Variants in DYSF observed in about 807,000 individuals in gnomAD.
The protein encoded by DYSF is dysferlin.
A neutral mutation model predicts 274.9 loss-of-function variants in DYSF; 212 were observed. The ratio of observed to expected loss-of-function variants is 0.77; its 90% CI spans 0.69 to 0.86. The LOEUF (loss-of-function observed/expected upper bound fraction) is 0.86, where lower values mean the gene tolerates loss of function less well. DYSF is among the 40% of genes least tolerant of loss of function. DYSF has a pLI of 0.00. For synonymous variants in DYSF, 1,091 were observed against 1,078.7 expected (o/e 1.01, Z -0.22); for missense variants, 2,666 against 2,783.2 (o/e 0.96, Z 0.95).
At chr2:71,504,017 T>G (rs2085238024) in intron 4 of DYSF, among the ~76,000 whole-genome samples, 1 of 152,206 alleles carries the variant, frequency 6.6e-6, no homozygotes, top group South Asian at 2.1e-4. Flanking sequence ...CCTGGGGGAT[T>G]CAGGCCCTGA....
At chr2:71,618,277 G>GTT (rs2093969528) in intron 40 of DYSF, among the ~76,000 whole-genome samples, 1 of 101,760 alleles carries the variant, frequency 9.8e-6, no homozygotes, top group Non-Finnish European at 2.0e-5. Context: ...GTGTGTGTGT[G>GTT]TGGTAGAGGT....
At position 71,511,838 on chromosome 2, in the gene DYSF, C is replaced by T. The variant is rs372573603; in HGVS notation, c.377C>T (p.Pro126Leu). Residue 126 changes from proline to leucine, a missense_variant, in exon 5 of 56, where the codon CCG becomes CTG. Pro to Leu is a moderately conservative substitution (Grantham distance 98, BLOSUM62 -3). Coordinates refer to ENST00000410020, the MANE Select transcript of DYSF (RefSeq NM_001130987.2). ...CTGGTCCTGCAGGTGTCCTACACAC[C>T]GCTGCCTGGAGCTGTGCCCCTGTTC... ...ASLVLQVSYTPLPGAVPLFPP... is the reference protein window; with the variant it reads ...ASLVLQVSYTLLPGAVPLFPP... 60 of 1,551,496 alleles carry T rather than the reference C, an allele frequency of 3.9e-5. No homozygotes were observed. Among genetic ancestry groups the T allele is most frequent in the South Asian group, 8.3e-5 (7 of 84,066 alleles).
At chr2:71,534,876 C>T in intron 14 of DYSF, 145 bp from the exon 15 acceptor site, 1 of 771,594 alleles carries the variant, frequency 1.3e-6, no homozygotes, top group Admixed American at 2.0e-5. Context: ...GAACCCCCTG[C>T]ACTAGGCCCC....
chr2:71,668,801 G>T lies in DYSF; in HGVS notation c.5505G>T (p.Arg1835=), dbSNP rs763758260. 1 of 1,613,906 alleles carries T rather than the reference G, an allele frequency of 6.2e-7. No individual in the cohort carries two copies. Among genetic ancestry groups the T allele is most frequent in the South Asian group, 1.1e-5 (1 of 91,004 alleles). The part of the protein sequence containing the change: ...WVDLFPKALG[R]PGPPFNITPR... ...ACCTATTTCCGAAGGCCCTGGGGCG[G>T]CCTGGACCTCCCTTCAACATCACCC... Residue 1835 remains arginine (R), a synonymous_variant, in exon 49 of 56, where the codon CGG becomes CGT. Coordinates refer to ENST00000410020, the MANE Select transcript of DYSF (RefSeq NM_001130987.2).
At chr2:71,635,511 G>A (rs2094385400) in intron 41 of DYSF, among the ~76,000 whole-genome samples, 1 of 152,192 alleles carries the variant, frequency 6.6e-6, no homozygotes, top group South Asian at 2.1e-4. Context: ...ACTTTGGGAG[G>A]CAGAGGCGGG....
chr2:71,557,989 G>A (rs2091453311), intron 22 of DYSF, among the ~76,000 whole-genome samples: 2 of 151,346 alleles, frequency 1.3e-5, no homozygotes, highest in Non-Finnish European at 1.5e-5. Flanking sequence ...CTGAGATTGT[G>A]CCCCTACACT....
chr2:71,464,088 C>T (rs958451661), upstream of DYSF, among the ~76,000 whole-genome samples: 9 of 152,200 alleles, frequency 5.9e-5, no homozygotes, highest in South Asian at 2.1e-4. Context: ...TGTCCTTTAC[C>T]GACCTTCCAC....
intron 12 of DYSF, among the ~76,000 whole-genome samples, chr2:71,525,696 G>A (rs138298534): frequency 1.6e-5 from 2 of 125,358 alleles, no homozygotes; most frequent in African/African-American, 5.5e-5. Context: ...TGCTGAAAGT[G>A]TTTTCCCTGC....
intron 1 of DYSF, among the ~76,000 whole-genome samples, chr2:71,477,862 T>C (rs888874235): frequency 1.3e-5 from 2 of 152,216 alleles, no homozygotes; most frequent in Non-Finnish European, 2.9e-5. Context: ...TGAAAGTGTA[T>C]TAAAATAGGC....
At chr2:71,526,969 C>T (rs558941028) in intron 13 of DYSF, among the ~76,000 whole-genome samples, 7 of 152,360 alleles carry the variant, frequency 4.6e-5, no homozygotes, top group African/African-American at 1.2e-4. Context: ...GTGGCCACTG[C>T]CTGGTTTCTC....
intron 10 of DYSF, among the ~76,000 whole-genome samples, chr2:71,517,777 T>C (rs2086813897): frequency 6.6e-6 from 1 of 152,218 alleles, no homozygotes; most frequent in Non-Finnish European, 1.5e-5. Flanking sequence ...AAAAGGCTTA[T>C]TTAGTTTCTT....
rs1451503426 is a variant in DYSF at position 71,567,932 on chromosome 2, G to T, written c.2566-19G>T. The T allele has an allele frequency of 6.2e-7, 1 of 1,613,830 alleles. No individual in the cohort carries two copies. The highest frequency in any genetic ancestry group is 8.5e-7 in the Non-Finnish European group (1 of 1,179,776). ...ATCCTGAAGGGGACTGTGGGTTTCT[G>T]TCCTTCTCTGGTACCCAGTATCCGA... is the stretch of plus-strand genomic sequence containing the variant. On this transcript the variant is annotated intron_variant, in intron 24 of 55. Coordinates refer to ENST00000410020, the MANE Select transcript of DYSF (RefSeq NM_001130987.2).
chr2:71,477,334 T>C (rs911828793), intron 1 of DYSF, among the ~76,000 whole-genome samples: 2 of 152,088 alleles, frequency 1.3e-5, no homozygotes, highest in Admixed American at 6.6e-5. Context: ...GTTATGGTAA[T>C]GAAGCTACAG....
At chr2:71,667,638 C>A in intron 48 of DYSF, 123 bp downstream of exon 48, 2 of 1,451,152 alleles carry the variant, frequency 1.4e-6, no homozygotes, top group Non-Finnish European at 1.9e-6. Flanking sequence ...CTTCCTTGAC[C>A]CATTTCTTCA....
intron 24 of DYSF, among the ~76,000 whole-genome samples, chr2:71,564,414 GGAAGTTAGTAGGTTT>G (rs2091963419): frequency 6.6e-6 from 1 of 152,172 alleles, no homozygotes; most frequent in East Asian, 1.9e-4. Flanking sequence ...ACCTAGTCTA[GGAAGTTAGTAGGTTT>G]GAGCCGGAAT....
At chr2:71,509,410 T>C (rs1176367407) in intron 4 of DYSF, among the ~76,000 whole-genome samples, 1 of 150,668 alleles carries the variant, frequency 6.6e-6, no homozygotes, top group East Asian at 2.0e-4. Flanking sequence ...AATCCTCCTG[T>C]CTCAGCCTCC....
At chr2:71,684,108 A>G (rs2095327899) in intron 55 of DYSF, among the ~76,000 whole-genome samples, 1 of 152,146 alleles carries the variant, frequency 6.6e-6, no homozygotes. Context: ...AATGTTTCTG[A>G]GGTTCTGAGG....
At chr2:71,578,689 A>G (rs2092792117) in intron 30 of DYSF, among the ~76,000 whole-genome samples, 1 of 152,164 alleles carries the variant, frequency 6.6e-6, no homozygotes, top group Admixed American at 6.5e-5. Context: ...GTAATCTGAC[A>G]GTTCTGGACC....
intron 30 of DYSF, among the ~76,000 whole-genome samples, chr2:71,586,340 C>T (rs1324239280): frequency 6.6e-6 from 1 of 152,116 alleles, no homozygotes; most frequent in Non-Finnish European, 1.5e-5. Context: ...TAAAAATCCC[C>T]ATCTGTCTCC....
Sources: allele counts gnomAD v4.1 joint callset (sites outside exome capture counted in the v4.1 genomes callset), GRCh38; gene constraint gnomAD v4.1.1; transcripts MANE v1.5; gene names NCBI Gene and HGNC (gene_info 2026-07-23, HGNC 2026-07-21).